MYL12B: variants seen among roughly 807,000 people sequenced by gnomAD.
The protein encoded by MYL12B is myosin light chain 12B.
MYL12B carries 3 observed loss-of-function variants against 12.9 expected under a neutral mutation model. The ratio of observed to expected loss-of-function variants is 0.23; its 90% CI spans 0.11 to 0.60. The LOEUF (loss-of-function observed/expected upper bound fraction) is 0.60. MYL12B is among the 20% of genes least tolerant of loss of function. MYL12B has a pLI of 0.89. For synonymous variants in MYL12B, 57 were observed against 71.9 expected (o/e 0.79, Z 1.05); for missense variants, 120 against 215.4 (o/e 0.56, Z 2.77).
chr18:3,277,159 A>G (rs2081739278), intron 2 of MYL12B, 94 bp from the exon 3 acceptor site: 1 of 1,300,168 alleles, frequency 7.7e-7, no homozygotes, highest in Non-Finnish European at 1.0e-6. Context: ...AATGATGTAC[A>G]TTTTAAAAAT....
Position 3,276,318 on chromosome 18 carries a change from C to T in MYL12B, c.185-935C>T, listed in dbSNP as rs1223135305. On this transcript the variant is annotated intron_variant, in intron 2 of 3. Transcript: ENST00000237500. ...GGGATTCAAACCCAGTATTCCAGAT[C>T]CTTGGTTCAGTGCTGCTTTTCCCAC... 2.5e-5 allele frequency: 12 copies of T among 475,364 alleles called. No individual in the cohort carries two copies. In the Admixed American group the frequency reaches 7.7e-4, roughly 31 times the overall value. The allele number at this position is 475,364 out of a possible 1,614,324, so 29.4% of individuals were successfully genotyped here.
In MYL12B at chr18:3,276,758, C is replaced by T. The variant is rs867090769; in HGVS notation, c.185-495C>T. The stretch of plus-strand genomic sequence containing the variant: ...TGTTATCAACATTCAGGATGTAGGC[C>T]GGGCGCGGTGATGCACGCCTGCAAT... On this transcript the variant is annotated intron_variant, in intron 2 of 3. Transcript: ENST00000237500. Among the ~76,000 whole-genome samples, 25 of 151,970 alleles carry T rather than the reference C, an allele frequency of 1.6e-4. No homozygotes were observed. The South Asian group carries it at 2.1e-3, about 13-fold the overall frequency.
chr18:3,271,673 C>A (rs917314700), intron 1 of MYL12B, among the ~76,000 whole-genome samples: 2 of 152,142 alleles, frequency 1.3e-5, no homozygotes, highest in Non-Finnish European at 2.9e-5. Flanking sequence ...CTCACAGATA[C>A]ATAGGTTTTC....
chr18:3,264,190 CA>C (rs1341498697), intron 1 of MYL12B, among the ~76,000 whole-genome samples: 4 of 152,166 alleles, frequency 2.6e-5, no homozygotes, highest in South Asian at 4.1e-4. Context: ...TGTTGGAATT[CA>C]GATCCGGGAC....
chr18:3,276,643 C>A, intron 2 of MYL12B: 1 of 798,392 alleles, frequency 1.3e-6, no homozygotes, highest in Non-Finnish European at 1.5e-6. Flanking sequence ...AGCATATCAA[C>A]TTATGGGCAT....
intron 1 of MYL12B, among the ~76,000 whole-genome samples, chr18:3,263,804 G>C (rs2081615197): frequency 6.6e-6 from 1 of 152,226 alleles, no homozygotes; most frequent in South Asian, 2.1e-4. Context: ...TTTCATGGTA[G>C]AGAATTTCAG....
intron 3 of MYL12B, 52 bp from the exon 4 acceptor site, chr18:3,277,713 C>G (rs1598811195): frequency 1.9e-6 from 3 of 1,559,964 alleles, no homozygotes; most frequent in Non-Finnish European, 2.6e-6. Context: ...AATGAACCAT[C>G]AAAGTGCCAG....
intron 2 of MYL12B, chr18:3,276,831 G>A (rs1176644029): frequency 5.4e-6 from 4 of 736,332 alleles, no homozygotes; most frequent in Admixed American, 1.3e-4. Flanking sequence ...GAGCTCAGGA[G>A]TTCAAGACCA....
intron 1 of MYL12B, among the ~76,000 whole-genome samples, chr18:3,267,757 G>A (rs115315059): frequency 0.017 from 2,612 of 152,216 alleles, 82 homozygotes; most frequent in African/African-American, 0.06. Flanking sequence ...TCGTAGGTAT[G>A]TATGTATAAG....
rs779442114 is a variant in MYL12B, at chr18:3,277,945, T to G, written c.*8T>G. On this transcript the variant is annotated 3_prime_UTR_variant, in exon 4 of 4. Transcript: ENST00000237500. ...AAAGACAAAGATGACTGAAAGAACT[T>G]TAGCTAAAATCTTCCAGTTACATTG... 2.4e-5 allele frequency: 39 copies of G among 1,612,330 alleles called. No homozygotes were observed. In the South Asian group the frequency reaches 4.1e-4, roughly 17 times the overall value.
At chr18:3,273,301 A>AT (rs1168601417) in intron 2 of MYL12B, among the ~76,000 whole-genome samples, 1 of 152,170 alleles carries the variant, frequency 6.6e-6, no homozygotes, top group East Asian at 1.9e-4. Flanking sequence ...GGGTAGGCTA[A>AT]TGTTCCTGTT....
intron 1 of MYL12B, among the ~76,000 whole-genome samples, chr18:3,264,697 A>T (rs569853665): frequency 6.6e-5 from 10 of 152,228 alleles, no homozygotes; most frequent in Admixed American, 5.2e-4. Flanking sequence ...GGTGAATTTC[A>T]AAAACATTGT....
At position 3,277,997 on chromosome 18, in the gene MYL12B, C is replaced by T; in HGVS notation, c.*60C>T. On this transcript the variant is annotated 3_prime_UTR_variant, in exon 4 of 4. Coordinates refer to ENST00000237500, the MANE Select transcript of MYL12B (RefSeq NM_033546.4). ...CTTACTCTCTTTTACTTCTCAGACA[C>T]TTCCCCCACCCTCATAGAACCTGTT... The T allele has an allele frequency of 1.3e-6, 2 of 1,566,072 alleles. No individual in the cohort carries two copies. The highest frequency in any genetic ancestry group is 2.3e-5 in the East Asian group (1 of 42,584).
At chr18:3,273,143 C>T in intron 2 of MYL12B, 61 bp downstream of exon 2, 2 of 1,463,262 alleles carry the variant, frequency 1.4e-6, no homozygotes, top group South Asian at 1.4e-5. Context: ...CTTTATGAAT[C>T]TTTTTTTTGT....
At chr18:3,273,801 C>G (rs1487853914) in intron 2 of MYL12B, among the ~76,000 whole-genome samples, 1 of 150,322 alleles carries the variant, frequency 6.7e-6, no homozygotes, top group Non-Finnish European at 1.5e-5. Context: ...ACTTTGCGCT[C>G]TGTCCTCCTG....
intron 1 of MYL12B, among the ~76,000 whole-genome samples, chr18:3,269,176 A>G (rs531750395): frequency 5.3e-5 from 8 of 152,192 alleles, no homozygotes; most frequent in Non-Finnish European, 1.0e-4. Flanking sequence ...CACCATGTTT[A>G]GGAACTTGGT....
rs764571690 is a variant in MYL12B, at chr18:3,274,758, C to T, written c.184+1676C>T. On this transcript the variant is annotated intron_variant, in intron 2 of 3. Transcript: ENST00000237500. The stretch of plus-strand genomic sequence containing the variant: ...CTATTAAGCTAGGTTATAATTCATT[C>T]ACAAGGACTCAACTGTAGAAGTACG... Among the ~76,000 whole-genome samples, 8 of 152,298 alleles carry T rather than the reference C, an allele frequency of 5.3e-5. No individual in the cohort carries two copies. In the South Asian group the frequency reaches 6.2e-4, roughly 12 times the overall value.
intron 1 of MYL12B, chr18:3,262,794 C>G (rs2081604110): frequency 6.6e-6 from 1 of 152,330 alleles, no homozygotes. Flanking sequence ...TGCCGGTAAC[C>G]GAGTGTGTGG....
At chr18:3,274,257 T>C (rs984939685) in intron 2 of MYL12B, among the ~76,000 whole-genome samples, 3 of 152,226 alleles carry the variant, frequency 2.0e-5, no homozygotes, top group African/African-American at 7.2e-5. Flanking sequence ...CTTCCAAAGA[T>C]TGAACTCTCA....
Sources: allele counts gnomAD v4.1 joint callset (sites outside exome capture counted in the v4.1 genomes callset), GRCh38; gene constraint gnomAD v4.1.1; transcripts MANE v1.5; gene names NCBI Gene and HGNC (gene_info 2026-07-23, HGNC 2026-07-21).